COMMD10: variants seen among roughly 807,000 people sequenced by gnomAD.
The protein encoded by COMMD10 is COMM domain-containing protein 10.
Under a neutral mutation model 28.9 loss-of-function variants are expected in COMMD10, and 33 were observed. That is an observed-to-expected ratio of 1.14 (90% CI 0.87 to 1.53). The LOEUF is 1.53. Among genes scored for constraint, COMMD10 ranks in the 40% most tolerant of loss-of-function variants. COMMD10 has a pLI of 0.00. For synonymous variants in COMMD10, 110 were observed against 81.7 expected (o/e 1.35, Z -1.87); for missense variants, 310 against 233.4 (o/e 1.33, Z -2.14).
chr5:116,092,268 A>G (rs2112711443), intron 3 of COMMD10, among the ~76,000 whole-genome samples: 1 of 152,316 alleles, frequency 6.6e-6, no homozygotes, highest in African/African-American at 2.4e-5. Flanking sequence ...AAAGCAAAGA[A>G]GAAGTTTTTT....
At chr5:116,290,966 A>T (rs11740246) in intron 5 of COMMD10, among the ~76,000 whole-genome samples, 11,098 of 152,244 alleles carry the variant, frequency 0.073, 529 homozygotes, top group Non-Finnish European at 0.11. Flanking sequence ...AAGGAAAGAG[A>T]GTGTTTAAGT....
At chr5:116,282,366 A>G (rs907107956) in intron 5 of COMMD10, among the ~76,000 whole-genome samples, 1 of 151,908 alleles carries the variant, frequency 6.6e-6, no homozygotes, top group Non-Finnish European at 1.5e-5. Context: ...AGAAACTCCA[A>G]ACTGGTTTCT....
intron 5 of COMMD10, among the ~76,000 whole-genome samples, chr5:116,254,221 A>T (rs1310605395): frequency 2.0e-5 from 3 of 151,484 alleles, no homozygotes; most frequent in East Asian, 3.9e-4. Context: ...GCGGTCTATC[A>T]ATTTTGTTGA....
At chr5:116,273,968 T>A (rs1750828959) in intron 5 of COMMD10, among the ~76,000 whole-genome samples, 1 of 151,778 alleles carries the variant, frequency 6.6e-6, no homozygotes, top group African/African-American at 2.4e-5. Flanking sequence ...TTAGATGATA[T>A]CAGTCATTAC....
chr5:116,192,206 T>A (rs1194135858), intron 5 of COMMD10, among the ~76,000 whole-genome samples: 1 of 151,274 alleles, frequency 6.6e-6, no homozygotes. Context: ...CCTACCTAAA[T>A]GAGAAGGAAC....
chr5:116,205,851 A>T (rs541757608), intron 5 of COMMD10, among the ~76,000 whole-genome samples: 24 of 152,052 alleles, frequency 1.6e-4, no homozygotes, highest in African/African-American at 5.1e-4. Context: ...TTTTTACTTT[A>T]TTTTCTTGAT....
At chr5:116,291,660 T>G (rs1751365391) in intron 6 of COMMD10, 84 bp downstream of exon 6, 1 of 746,632 alleles carries the variant, frequency 1.3e-6, no homozygotes, top group Non-Finnish European at 2.1e-6. Flanking sequence ...TATTTTTAAA[T>G]GTCATATTAT....
chr5:116,289,514 C>G (rs1751310139), intron 5 of COMMD10, among the ~76,000 whole-genome samples: 1 of 151,886 alleles, frequency 6.6e-6, no homozygotes, highest in African/African-American at 2.4e-5. Flanking sequence ...CCTCTCACCT[C>G]TGTTTTCAGT....
chr5:116,201,994 G>A (rs1019576468), intron 5 of COMMD10, among the ~76,000 whole-genome samples: 4 of 150,840 alleles, frequency 2.7e-5, no homozygotes, highest in East Asian at 2.0e-4. Flanking sequence ...CCATTAACTC[G>A]TCATCTAGCA....
chr5:116,188,454 A>T (rs1017025635), intron 5 of COMMD10: 5 of 77,192 alleles, frequency 6.5e-5, no homozygotes, highest in Admixed American at 1.2e-4. Context: ...TATTTTATTT[A>T]AAAAAAATGG....
chr5:116,203,599 G>C (rs1293151643), intron 5 of COMMD10, among the ~76,000 whole-genome samples: 1 of 152,046 alleles, frequency 6.6e-6, no homozygotes, highest in Non-Finnish European at 1.5e-5. Flanking sequence ...CATTCTTAAA[G>C]AAAAGAATTT....
intron 5 of COMMD10, among the ~76,000 whole-genome samples, chr5:116,170,591 CA>C (rs1753293004): frequency 6.6e-6 from 1 of 152,096 alleles, no homozygotes; most frequent in South Asian, 2.1e-4. Context: ...AACTATACTA[CA>C]AGGCTACAGT....
At chr5:116,121,855 G>A (rs1036590388) in intron 4 of COMMD10, among the ~76,000 whole-genome samples, 2 of 151,780 alleles carry the variant, frequency 1.3e-5, no homozygotes, top group East Asian at 3.9e-4. Context: ...TAAATTTGTT[G>A]GAGTTCTTTG....
At chr5:116,105,188 A>G (rs544270318) in intron 4 of COMMD10, among the ~76,000 whole-genome samples, 2 of 152,264 alleles carry the variant, frequency 1.3e-5, no homozygotes, top group East Asian at 1.9e-4. Context: ...AATTTTATCA[A>G]AGGTCTTTTC....
At chr5:116,204,093 GTC>G (rs1748748697) in intron 5 of COMMD10, among the ~76,000 whole-genome samples, 1 of 152,030 alleles carries the variant, frequency 6.6e-6, no homozygotes, top group Non-Finnish European at 1.5e-5. Context: ...TTGCATCCTA[GTC>G]TCTGATAAAA....
chr5:116,232,358 G>T (rs1749549198), intron 5 of COMMD10, among the ~76,000 whole-genome samples: 1 of 145,988 alleles, frequency 6.8e-6, no homozygotes, highest in Non-Finnish European at 1.5e-5. Context: ...AAAAAAAAAA[G>T]GCTTTTAAAT....
intron 5 of COMMD10, among the ~76,000 whole-genome samples, chr5:116,160,051 T>A (rs753341687): frequency 6.6e-6 from 1 of 152,190 alleles, no homozygotes; most frequent in Admixed American, 6.5e-5. Context: ...GAGACACTTA[T>A]AAATGGTAGT....
chr5:116,266,029 A>G (rs76065051), intron 5 of COMMD10, among the ~76,000 whole-genome samples: 3,358 of 151,732 alleles, frequency 0.022, 180 homozygotes, highest in African/African-American at 0.076. Context: ...TCAGAAAGAG[A>G]TGTATTTCTT....
At chr5:116,169,014 C>A (rs1055442049) in intron 5 of COMMD10, among the ~76,000 whole-genome samples, 2 of 151,832 alleles carry the variant, frequency 1.3e-5, no homozygotes, top group Admixed American at 6.6e-5. Context: ...ACATGAAAAA[C>A]CAATTCAAAA....
Sources: allele counts gnomAD v4.1 joint callset (sites outside exome capture counted in the v4.1 genomes callset), GRCh38; gene constraint gnomAD v4.1.1; transcripts MANE v1.5; gene names NCBI Gene and HGNC (gene_info 2026-07-23, HGNC 2026-07-21).